Variants in DLG2 observed in about 807,000 individuals in gnomAD.
DLG2 encodes discs large MAGUK scaffold protein 2.
In DLG2, 45 loss-of-function variants were observed where a neutral mutation model predicts 132.5. The ratio of observed to expected loss-of-function variants is 0.34; its 90% confidence interval spans 0.27 to 0.44. The LOEUF (loss-of-function observed/expected upper bound fraction) is 0.44, where lower values mean the gene tolerates loss of function less well. Ranked by LOEUF, DLG2 falls within the 20% of genes least tolerant of loss-of-function variation. The pLI is 1.00. For synonymous variants in DLG2, 424 were observed against 419.6 expected (o/e 1.01, Z -0.13); for missense variants, 1,045 against 1,196.9 (o/e 0.87, Z 1.87).
At chr11:85,449,449 T>A (rs1256264052) in intron 3 of DLG2, among the ~76,000 whole-genome samples, 2 of 152,048 alleles carry the variant, frequency 1.3e-5, no homozygotes, top group Non-Finnish European at 2.9e-5. Context: ...TACTTTTTAG[T>A]TATTATAATT....
chr11:84,830,021 G>A (rs1386753817), intron 6 of DLG2, among the ~76,000 whole-genome samples: 5 of 151,446 alleles, frequency 3.3e-5, no homozygotes, highest in Non-Finnish European at 7.4e-5. Flanking sequence ...TAACTGCACA[G>A]GAAACATCAG....
In DLG2 at chr11:84,836,327, T is replaced by C. The variant is rs551499476; in HGVS notation, c.357+275334A>G. 2.0e-5 allele frequency among the ~76,000 whole-genome samples: 3 copies of C among 151,836 alleles called. No individual in the cohort carries two copies. In the South Asian group the frequency reaches 6.2e-4, roughly 32 times the overall value. On this transcript the variant is annotated intron_variant, in intron 6 of 27. Transcript: ENST00000376104. Reference sequence around the variant, plus strand: ...GCAGGAGTGGGAAAAATAATATTTTTTGAGTGCCAATGTACCCGTCACTTA... The same window carrying C: ...GCAGGAGTGGGAAAAATAATATTTTCTGAGTGCCAATGTACCCGTCACTTA...
intron 6 of DLG2, among the ~76,000 whole-genome samples, chr11:84,879,416 C>T (rs911233639): frequency 6.6e-6 from 1 of 152,064 alleles, no homozygotes; most frequent in Non-Finnish European, 1.5e-5. Context: ...AATGATTTTA[C>T]AAAACTATAG....
intron 6 of DLG2, among the ~76,000 whole-genome samples, chr11:84,776,501 G>C (rs778079325): frequency 6.6e-6 from 1 of 152,154 alleles, no homozygotes; most frequent in Non-Finnish European, 1.5e-5. Flanking sequence ...ACTGCTACAG[G>C]CAATCGAGAT....
Position 84,359,017 on chromosome 11 carries a change from T to G in DLG2, c.520-107726A>C, listed in dbSNP as rs367938674. Among the ~76,000 whole-genome samples, 3 of 152,000 alleles carry G rather than the reference T, an allele frequency of 2.0e-5. No homozygotes were observed. In the East Asian group the frequency reaches 5.8e-4, roughly 29 times the overall value. ...CAGCATGTCAGGTTGTGTGGAGACA[T>G]GAGCATATGAGTATATATAACAACA... On this transcript the variant is annotated intron_variant, in intron 7 of 27. Transcript: ENST00000376104.
chr11:84,119,909 C>T (rs894286896), intron 9 of DLG2, among the ~76,000 whole-genome samples: 1 of 152,092 alleles, frequency 6.6e-6, no homozygotes, highest in Admixed American at 6.6e-5. Context: ...ATATGAAATG[C>T]CTCCTACTGA....
chr11:84,004,130 A>C (rs935056310), intron 11 of DLG2, among the ~76,000 whole-genome samples: 1 of 152,114 alleles, frequency 6.6e-6, no homozygotes, highest in African/African-American at 2.4e-5. Context: ...AGGACACAAC[A>C]AAATAAGAAA....
chr11:84,019,225 T>A (rs1324352488), intron 11 of DLG2, among the ~76,000 whole-genome samples: 3 of 152,136 alleles, frequency 2.0e-5, no homozygotes, highest in Non-Finnish European at 1.5e-5. Flanking sequence ...TGTGCATGTA[T>A]TTGTGTTTTT....
intron 4 of DLG2, among the ~76,000 whole-genome samples, chr11:85,164,202 T>C (rs539256731): frequency 6.6e-6 from 1 of 152,216 alleles, no homozygotes; most frequent in Admixed American, 6.5e-5. Context: ...ATCTCCTATA[T>C]AAATATAAAT....
At chr11:84,754,727 G>A (rs1008426851) in intron 6 of DLG2, among the ~76,000 whole-genome samples, 7 of 152,242 alleles carry the variant, frequency 4.6e-5, no homozygotes, top group East Asian at 3.9e-4. Context: ...GTCATTACAC[G>A]TTTGTTGAAA....
At chr11:83,529,480 C>A (rs1474165877) in intron 21 of DLG2, among the ~76,000 whole-genome samples, 1 of 152,122 alleles carries the variant, frequency 6.6e-6, no homozygotes, top group African/African-American at 2.4e-5. Context: ...TGGAGAGTTA[C>A]TAACGTAAGG....
At chr11:84,099,659 G>A (rs1443982777) in intron 9 of DLG2, among the ~76,000 whole-genome samples, 6 of 151,068 alleles carry the variant, frequency 4.0e-5, no homozygotes, top group Non-Finnish European at 8.9e-5. Context: ...GCAGCAGCAT[G>A]GAAATCTGAG....
chr11:85,545,215 T>C (rs1186331278), intron 3 of DLG2, among the ~76,000 whole-genome samples: 2 of 152,232 alleles, frequency 1.3e-5, no homozygotes, highest in Non-Finnish European at 2.9e-5. Context: ...TTGAATTTTG[T>C]CAAAGGCCTT....
chr11:84,913,262 T>C (rs2092236455), intron 6 of DLG2, among the ~76,000 whole-genome samples: 1 of 152,182 alleles, frequency 6.6e-6, no homozygotes, highest in Admixed American at 6.5e-5. Context: ...GTTGAGACAA[T>C]GTTAGGAGAC....
chr11:84,383,994 C>G (rs1290080781), intron 7 of DLG2, among the ~76,000 whole-genome samples: 1 of 151,018 alleles, frequency 6.6e-6, no homozygotes, highest in Non-Finnish European at 1.5e-5. Context: ...GCAGCTGAAA[C>G]TTTTATACTC....
At chr11:83,738,498 A>G (rs1285980628) in intron 18 of DLG2, among the ~76,000 whole-genome samples, 1 of 152,144 alleles carries the variant, frequency 6.6e-6, no homozygotes, top group African/African-American at 2.4e-5. Flanking sequence ...TTTGATAAAT[A>G]CATTAGGGAG....
chr11:84,863,500 CTTA>C (rs1160147846), intron 6 of DLG2, among the ~76,000 whole-genome samples: 2 of 152,170 alleles, frequency 1.3e-5, no homozygotes, highest in Non-Finnish European at 2.9e-5. Flanking sequence ...AATTTTATTT[CTTA>C]TTATTTAATC....
intron 6 of DLG2, among the ~76,000 whole-genome samples, chr11:84,679,606 A>C (rs942144049): frequency 2.0e-4 from 31 of 152,144 alleles, no homozygotes; most frequent in Admixed American, 5.2e-4. Context: ...ATAAAGAAGA[A>C]AGAAAAAATA....
At chr11:85,324,831 G>C (rs895538521) in intron 3 of DLG2, among the ~76,000 whole-genome samples, 5 of 151,810 alleles carry the variant, frequency 3.3e-5, no homozygotes, top group South Asian at 4.2e-4. Flanking sequence ...CGCAGAAGAC[G>C]GGTGATTTCT....
Sources: allele counts gnomAD v4.1 joint callset (sites outside exome capture counted in the v4.1 genomes callset), GRCh38; gene constraint gnomAD v4.1.1; transcripts MANE v1.5; gene names NCBI Gene and HGNC (gene_info 2026-07-23, HGNC 2026-07-21).